Variants in NOTCH3 observed in about 807,000 individuals in gnomAD.
NOTCH3 encodes the protein neurogenic locus notch homolog protein 3.
Under a neutral mutation model 213.3 loss-of-function variants are expected in NOTCH3, and 86 were observed. That is an observed-to-expected ratio of 0.40 (90% CI 0.34 to 0.48). The LOEUF is 0.48. Ranked by LOEUF, NOTCH3 falls within the 20% of genes least tolerant of loss-of-function variation. The probability of loss-of-function intolerance (pLI) is 0.57; values close to 1 mark genes in which losing one functional copy is unlikely to be tolerated. For synonymous variants in NOTCH3, 1,354 were observed against 1,355.9 expected, an observed-to-expected ratio of 1.00 and a Z score of 0.03; for missense variants, 2,783 against 3,272.6, an observed-to-expected ratio of 0.85 and a Z score of 3.65.
chr19:15,170,315 C>A lies in NOTCH3; in HGVS notation c.5114+16G>T, dbSNP rs189890791. On this transcript the variant is annotated intron_variant, in intron 27 of 32. Transcript: ENST00000263388. ...GGTCCCCGTAGTCAGGGACAGGGAG[C>A]GAGCAGGGTTCTCACTTCATGCCCA... is the stretch of plus-strand genomic sequence containing the variant. The A allele has an allele frequency of 1.9e-6, 3 of 1,607,718 alleles. No homozygotes were observed. Among genetic ancestry groups the A allele is most frequent in the Admixed American group, 3.3e-5 (2 of 60,002 alleles).
chr19:15,160,254 A>G lies in NOTCH3; in HGVS notation c.*408T>C. The G allele has an allele frequency of 8.3e-6, 2 of 241,930 alleles. No individual in the cohort carries two copies. The highest frequency in any genetic ancestry group is 1.6e-5 in the Non-Finnish European group (2 of 124,130). 15.0% of individuals were successfully genotyped at this position (241,930 alleles called of 1,614,324 possible). A position where few individuals can be genotyped will look rare whatever the true frequency, so the allele number is the denominator to read the frequency against. The stretch of plus-strand genomic sequence containing the variant: ...GAGCATCTCCATATATATATTTTGT[A>G]AAAAATAATAATAATAAGTTTGTTT... On this transcript the variant is annotated 3_prime_UTR_variant, in exon 33 of 33. Transcript: ENST00000263388.
At chr19:15,184,714 A>G (rs560877652) in intron 15 of NOTCH3, among the ~76,000 whole-genome samples, 192 bp downstream of exon 15, 1 of 152,170 alleles carries the variant, frequency 6.6e-6, no homozygotes, top group African/African-American at 2.4e-5. Context: ...CTCTAGCCCC[A>G]TAACTCTTCC....
In NOTCH3 at chr19:15,179,407, G is replaced by A. The variant is rs2145418935; in HGVS notation, c.3417C>T (p.Asp1139=). ...QPCQHGGSCI[D]LVARYLCSCP... ...AGGAGCAGAGATAGCGGGCCACGAGGTCAATGCATGAACCCCCGTGCTGGC... is the reference window on the plus strand; with the variant it reads ...AGGAGCAGAGATAGCGGGCCACGAGATCAATGCATGAACCCCCGTGCTGGC... The change falls in exon 21 of 33, where the codon GAC becomes GAT. Residue 1139 remains aspartate (D), a synonymous_variant. Transcript: ENST00000263388. 2 of 1,614,096 alleles carry A rather than the reference G, an allele frequency of 1.2e-6. No homozygotes were observed. The highest frequency in any genetic ancestry group is 4.5e-5 in the East Asian group (2 of 44,844).
At chr19:15,169,186 G>GTCTGTCTCTC (rs2046709384) in intron 28 of NOTCH3, among the ~76,000 whole-genome samples, 1 of 146,656 alleles carries the variant, frequency 6.8e-6, no homozygotes, top group Non-Finnish European at 1.5e-5. Flanking sequence ...TGTCAAATCT[G>GTCTGTCTCTC]TCTCTCTCTC....
chr19:15,179,428 C>T lies in NOTCH3; in HGVS notation c.3396G>A (p.Gln1132=), dbSNP rs2145419015. 1 of 1,614,054 alleles carries T rather than the reference C, an allele frequency of 6.2e-7. No homozygotes were observed. The highest frequency in any genetic ancestry group is 1.6e-4 in the Middle Eastern group (1 of 6,062). ...DVDECASQPC[Q]HGGSCIDLVA... is the part of the protein sequence containing the mutation. ...CGAGGTCAATGCATGAACCCCCGTG[C>T]TGGCAGGGCTGGGAGGCACACTCGT... Residue 1132 remains glutamine, a synonymous_variant, in exon 21 of 33, where the codon CAG becomes CAA. Transcript: ENST00000263388.
At chr19:15,200,610 G>A (rs918674006) in intron 1 of NOTCH3, among the ~76,000 whole-genome samples, 178 bp downstream of exon 1, 2 of 151,934 alleles carry the variant, frequency 1.3e-5, no homozygotes, top group African/African-American at 4.8e-5. Context: ...GGGCCTCTGG[G>A]GTCCTCCCCA....
Position 15,160,693 on chromosome 19 carries a change from TCCGGCTGGGGC to T in NOTCH3, c.6924_6934del (p.Pro2309SerfsTer58). The T allele has an allele frequency of 6.2e-7, 1 of 1,613,998 alleles. No homozygotes were observed. The highest frequency in any genetic ancestry group is 8.5e-7 in the Non-Finnish European group (1 of 1,179,954). On this transcript the variant is annotated frameshift_variant, in exon 33 of 33. Coordinates refer to ENST00000263388, the MANE Select transcript of NOTCH3 (RefSeq NM_000435.3). LOFTEE classifies it high-confidence loss of function. ...CAACACTTGCCTCTTGGGGGTAACT[TCCGGCTGGGGC>T]CCCAGCTGGGTCTGGGCCTGAGCAA...
intron 18 of NOTCH3, 21 bp downstream of exon 18, chr19:15,180,940 G>A: frequency 1.3e-6 from 2 of 1,585,092 alleles, no homozygotes; most frequent in South Asian, 2.3e-5. Context: ...CCTCCCCCAG[G>A]TCCCCAGTAA....
chr19:15,167,546 A>G (rs1312675835), intron 28 of NOTCH3, 135 bp from the exon 29 acceptor site: 2 of 761,602 alleles, frequency 2.6e-6, no homozygotes, highest in Non-Finnish European at 4.2e-6. Context: ...ATCATTTACC[A>G]TCTGTTTGGT....
intron 24 of NOTCH3, 128 bp from the exon 25 acceptor site, chr19:15,174,528 G>T: frequency 1.5e-6 from 1 of 658,200 alleles, no homozygotes; most frequent in Non-Finnish European, 2.4e-6. Context: ...GGAATATACG[G>T]ACCCATGCCA....
chr19:15,188,220 T>C lies in NOTCH3; in HGVS notation c.1492+15A>G. On this transcript the variant is annotated intron_variant, in intron 9 of 32. Transcript: ENST00000263388. ...CAGACATGTCTTTTCGGGCTCCCTC[T>C]CCTGAGGTCCTCACCCGAGGGGCAG... 6.4e-7 allele frequency: 1 copy of C among 1,565,678 alleles called. No homozygotes were observed. Among genetic ancestry groups the C allele is most frequent in the Non-Finnish European group, 8.7e-7 (1 of 1,148,186 alleles).
In NOTCH3 at chr19:15,170,838, C is replaced by A. The variant is rs2145402377; in HGVS notation, c.4737-13G>T. On this transcript the variant is annotated splice_polypyrimidine_tract_variant and intron_variant, in intron 25 of 32. Transcript: ENST00000263388. ...CATTACTACCGAGCTGCAGGGACAG[C>A]AGGGAGGGACCAGAGGGCTCAAAAA... The A allele has an allele frequency of 6.2e-7, 1 of 1,612,690 alleles. No individual in the cohort carries two copies. Among genetic ancestry groups the A allele is most frequent in the South Asian group, 1.1e-5 (1 of 90,840 alleles).
chr19:15,162,630 G>T, intron 31 of NOTCH3, 68 bp from the exon 32 acceptor site: 2 of 1,211,326 alleles, frequency 1.7e-6, no homozygotes, highest in Non-Finnish European at 1.2e-6. Flanking sequence ...CAGGGAGGCA[G>T]AAATTGTCTA....
intron 25 of NOTCH3, among the ~76,000 whole-genome samples, chr19:15,172,933 A>C (rs1362628135): frequency 6.7e-6 from 1 of 148,806 alleles, no homozygotes; most frequent in African/African-American, 2.5e-5. Context: ...CTGGGATTAC[A>C]GGCGTGAGCC....
Position 15,189,059 on chromosome 19 carries a change from C to G in NOTCH3, c.1308G>C (p.Leu436=), listed in dbSNP as rs767459278. ...PRCETDVNEC[L]SGPCRNQATC... ...TGGCCTGGTTTCGGCAGGGCCCCGACAGACACTCGTTGACATCGGTCTCAC... is the reference window on the plus strand; with the variant it reads ...TGGCCTGGTTTCGGCAGGGCCCCGAGAGACACTCGTTGACATCGGTCTCAC... The change falls in exon 8 of 33, where the codon CTG becomes CTC. Residue 436 remains leucine, a synonymous_variant. Coordinates refer to ENST00000263388, the MANE Select transcript of NOTCH3 (RefSeq NM_000435.3). 1 of 1,613,188 alleles carries G rather than the reference C, an allele frequency of 6.2e-7. No homozygotes were observed. The highest frequency in any genetic ancestry group is 8.5e-7 in the Non-Finnish European group (1 of 1,180,036).
At position 15,161,702 on chromosome 19, in the gene NOTCH3, G is replaced by C; in HGVS notation, c.5926C>G (p.Leu1976Val). 2.5e-6 allele frequency: 4 copies of C among 1,613,494 alleles called. No individual in the cohort carries two copies. The highest frequency in any genetic ancestry group is 2.2e-5 in the South Asian group (2 of 90,986). ...CTGCCCTCGCGGGCGGCCAGGAATAGGGGGGTCTCCTCCTGGGGGGCCAGA... is the reference window on the plus strand; with the variant it reads ...CTGCCCTCGCGGGCGGCCAGGAATACGGGGGTCTCCTCCTGGGGGGCCAGA... The part of the protein sequence containing the change: ...DMQDSKEETP[L>V]FLAAREGSYE... Residue 1976 changes from leucine to valine, a missense_variant, in exon 33 of 33, where the codon CTA becomes GTA. Transcript: ENST00000263388.
chr19:15,164,346 C>T (rs1256188414), intron 31 of NOTCH3, among the ~76,000 whole-genome samples: 1 of 151,984 alleles, frequency 6.6e-6, no homozygotes, highest in Non-Finnish European at 1.5e-5. Context: ...TTGAGGCCAG[C>T]CTGGCCAACA....
chr19:15,188,472 C>A, intron 8 of NOTCH3, 124 bp from the exon 9 acceptor site: 1 of 716,868 alleles, frequency 1.4e-6, no homozygotes, highest in East Asian at 2.7e-5. Context: ...CCCACCTCTA[C>A]ACTCCCAGCC....
At position 15,161,452 on chromosome 19, in the gene NOTCH3, C is replaced by T; in HGVS notation, c.6176G>A (p.Gly2059Glu). The change falls in exon 33 of 33, where the codon GGG becomes GAG. Residue 2059 changes from glycine (G) to glutamate (E), a missense_variant. Coordinates refer to ENST00000263388, the MANE Select transcript of NOTCH3 (RefSeq NM_000435.3). ...GGGGGGCCTCCTGCTCTTCTTGGAC[C>T]CCGACTGTGCCGCTTTGAGGCCAGG... ...FLPGLKAAQSGSKKSRRPPGK... is the reference protein window; with the variant it reads ...FLPGLKAAQSESKKSRRPPGK... 6.4e-7 allele frequency: 1 copy of T among 1,559,734 alleles called. No homozygotes were observed. The highest frequency in any genetic ancestry group is 8.7e-7 in the Non-Finnish European group (1 of 1,151,156).
Sources: allele counts gnomAD v4.1 joint callset (sites outside exome capture counted in the v4.1 genomes callset), GRCh38; gene constraint gnomAD v4.1.1; transcripts MANE v1.5; gene names NCBI Gene and HGNC (gene_info 2026-07-23, HGNC 2026-07-21).